CHN1: variants seen among roughly 807,000 people sequenced by gnomAD.
CHN1 encodes the protein chimerin 1.
A neutral mutation model predicts 59.5 loss-of-function variants in CHN1; 37 were observed. The ratio of observed to expected loss-of-function variants is 0.62; its 90% CI spans 0.48 to 0.82. CHN1 has a LOEUF of 0.82. Among genes scored for constraint, CHN1 ranks in the 40% least tolerant of loss-of-function variants. The pLI, the probability that CHN1 is intolerant of heterozygous loss-of-function variation, is 0.00. For synonymous variants in CHN1, 206 were observed against 200.4 expected (o/e 1.03, Z -0.24); for missense variants, 469 against 571.0 (o/e 0.82, Z 1.82).
At chr2:174,810,367 A>G (rs1481322429) in intron 10 of CHN1, among the ~76,000 whole-genome samples, 2 of 152,156 alleles carry the variant, frequency 1.3e-5, no homozygotes, top group African/African-American at 4.8e-5. Context: ...GCTCTTCATG[A>G]ATTTTAAAAT....
chr2:174,899,481 C>A (rs1222695344), intron 5 of CHN1, among the ~76,000 whole-genome samples: 1 of 152,218 alleles, frequency 6.6e-6, no homozygotes, highest in Non-Finnish European at 1.5e-5. Context: ...AGAGCCAAAT[C>A]TAGGCCACTG....
intron 10 of CHN1, among the ~76,000 whole-genome samples, chr2:174,809,962 T>C (rs569691477): frequency 2.0e-5 from 3 of 152,318 alleles, no homozygotes; most frequent in South Asian, 2.1e-4. Context: ...CAGCTTTCCA[T>C]TCAGTCACTA....
chr2:174,980,138 G>A (rs1466622906), intron 1 of CHN1, among the ~76,000 whole-genome samples: 1 of 152,066 alleles, frequency 6.6e-6, no homozygotes, highest in Non-Finnish European at 1.5e-5. Flanking sequence ...AACAATAAAA[G>A]CTAATGCTTT....
chr2:174,914,862 G>GT (rs1491135080), intron 5 of CHN1, among the ~76,000 whole-genome samples, 196 bp downstream of exon 5: 1 of 116,746 alleles, frequency 8.6e-6, no homozygotes, highest in African/African-American at 3.2e-5. Flanking sequence ...AAAAAAAAAA[G>GT]TTTTTCTATT....
At chr2:174,800,521 C>T (rs1009611155) in intron 12 of CHN1, among the ~76,000 whole-genome samples, 1 of 152,226 alleles carries the variant, frequency 6.6e-6, no homozygotes, top group African/African-American at 2.4e-5. Flanking sequence ...TAATGTGCTG[C>T]ACTGTATGGA....
intron 3 of CHN1, among the ~76,000 whole-genome samples, chr2:174,920,758 T>C (rs578120619): frequency 1.3e-5 from 2 of 152,320 alleles, no homozygotes; most frequent in Admixed American, 6.5e-5. Flanking sequence ...GAAGACAATT[T>C]TTCCATGGAC....
intron 9 of CHN1, 117 bp from the exon 10 acceptor site, chr2:174,811,705 A>G (rs1281510402): frequency 1.7e-6 from 1 of 595,536 alleles, no homozygotes; most frequent in African/African-American, 1.9e-5. Context: ...ATGTTTAGAA[A>G]TCTTTTCACA....
chr2:174,810,551 C>T (rs537047169), intron 10 of CHN1, among the ~76,000 whole-genome samples: 1 of 152,302 alleles, frequency 6.6e-6, no homozygotes, highest in African/African-American at 2.4e-5. Context: ...AGTTGCAGAG[C>T]TTCCAGAGTA....
chr2:174,847,259 C>T, intron 6 of CHN1: 1 of 1,391,112 alleles, frequency 7.2e-7, no homozygotes, highest in African/African-American at 1.5e-5. Context: ...AGAGAAACAC[C>T]ACGGAGAGGT....
chr2:174,817,464 A>G (rs1478524295), intron 8 of CHN1, among the ~76,000 whole-genome samples: 2 of 139,870 alleles, frequency 1.4e-5, no homozygotes, highest in Non-Finnish European at 3.1e-5. Context: ...TCATCCCCCA[A>G]TTTTTTTTTT....
chr2:174,944,047 C>T (rs1295163153), intron 3 of CHN1, among the ~76,000 whole-genome samples: 2 of 152,096 alleles, frequency 1.3e-5, no homozygotes, highest in Non-Finnish European at 2.9e-5. Flanking sequence ...GAAATCTTTC[C>T]GTATCAGTAC....
At chr2:174,847,773 CAAAAAAAAAAAAA>C (rs71031072) in intron 6 of CHN1, 20 of 238,356 alleles carry the variant, frequency 8.4e-5, no homozygotes, top group Admixed American at 2.5e-4. Flanking sequence ...TGGCTCAAGG[CAAAAAAAAAAAAA>C]AAAAAAAAAA....
At chr2:174,800,603 T>C (rs1007713844) in intron 12 of CHN1, among the ~76,000 whole-genome samples, 13 of 152,040 alleles carry the variant, frequency 8.6e-5, no homozygotes, top group African/African-American at 2.9e-4. Flanking sequence ...CATTTGCAAA[T>C]AGCTGAGAAG....
At chr2:174,881,382 T>C (rs1277480351) in intron 5 of CHN1, among the ~76,000 whole-genome samples, 5 of 152,144 alleles carry the variant, frequency 3.3e-5, no homozygotes, top group Admixed American at 2.6e-4. Flanking sequence ...CATCAGACAG[T>C]TGTAAGTTTA....
chr2:174,944,451 T>C (rs993791389), intron 3 of CHN1, among the ~76,000 whole-genome samples: 5 of 152,220 alleles, frequency 3.3e-5, no homozygotes, highest in Admixed American at 6.5e-5. Context: ...TTTGAACATC[T>C]TTACATATAT....
chr2:174,945,616 A>G (rs1689804245), intron 2 of CHN1, among the ~76,000 whole-genome samples: 1 of 152,152 alleles, frequency 6.6e-6, no homozygotes, highest in Admixed American at 6.5e-5. Flanking sequence ...ATTTAAAATG[A>G]AAAAAGAATG....
intron 1 of CHN1, among the ~76,000 whole-genome samples, chr2:174,997,634 T>C (rs1393263348): frequency 6.6e-6 from 1 of 152,164 alleles, no homozygotes; most frequent in Non-Finnish European, 1.5e-5. Flanking sequence ...ACTCACCTGC[T>C]GCCTGTCAAA....
intron 1 of CHN1, among the ~76,000 whole-genome samples, chr2:174,955,242 G>T (rs907778461): frequency 6.8e-6 from 1 of 147,202 alleles, no homozygotes; most frequent in Non-Finnish European, 1.5e-5. Flanking sequence ...GATATATAGA[G>T]ATAAATAGAT....
At chr2:174,852,284 C>G (rs1558952794) in intron 6 of CHN1, among the ~76,000 whole-genome samples, 1 of 151,486 alleles carries the variant, frequency 6.6e-6, no homozygotes, top group Non-Finnish European at 1.5e-5. Context: ...GATTCTGTCT[C>G]AAAAAAACAA....
Sources: allele counts gnomAD v4.1 joint callset (sites outside exome capture counted in the v4.1 genomes callset), GRCh38; gene constraint gnomAD v4.1.1; transcripts MANE v1.5; gene names NCBI Gene and HGNC (gene_info 2026-07-23, HGNC 2026-07-21).